Variants in NKPD1 observed in about 807,000 individuals in gnomAD.
NKPD1 encodes NTPase KAP family P-loop domain-containing protein 1.
In NKPD1, 37 loss-of-function variants were observed where a neutral mutation model predicts 42.2. The observed-to-expected ratio is 0.88, with a 90% CI of 0.67 to 1.15. NKPD1 has a LOEUF of 1.15. NKPD1 is among the 50% of genes most tolerant of loss of function. NKPD1 has a pLI of 0.00. For missense variants in NKPD1, 1,113 were observed against 1,174.6 expected, an observed-to-expected ratio of 0.95 and a Z score of 0.77; for synonymous variants, 552 against 536.5, an observed-to-expected ratio of 1.03 and a Z score of -0.40.
chr19:45,162,148 T>C (rs1969019282), upstream of NKPD1, among the ~76,000 whole-genome samples: 1 of 151,798 alleles, frequency 6.6e-6, no homozygotes, highest in African/African-American at 2.4e-5. Context: ...CCAATGTAAA[T>C]GAGCCGTCTC....
Position 45,153,393 on chromosome 19 carries a change from C to A in NKPD1, c.1044G>T (p.Leu348=), listed in dbSNP as rs746453049. The change falls in exon 5 of 5, where the codon CTG becomes CTT. Residue 348 remains leucine (L), a synonymous_variant. Transcript: ENST00000686631. ...RRVCLGLLAL[L]AALGLGVGLL... is the part of the protein sequence containing the mutation. The stretch of plus-strand genomic sequence containing the variant: ...GCCCCACACCCAGGCCCAGCGCCGC[C>A]AGCAGCGCCAGCAGCCCCAGGCACA... 6.4e-7 allele frequency: 1 copy of A among 1,555,244 alleles called. No homozygotes were observed. Among genetic ancestry groups the A allele is most frequent in the Non-Finnish European group, 8.7e-7 (1 of 1,153,890 alleles).
chr19:45,153,148 A>T lies in NKPD1; in HGVS notation c.1289T>A (p.Val430Glu), dbSNP rs752715409. Residue 430 changes from valine (V) to glutamate (E), a missense_variant, in exon 5 of 5, where the codon GTG becomes GAG. Physicochemically the swap from Val to Glu is moderately radical, Grantham distance 121. Around this residue, in one of 3 missense-constraint regions of NKPD1, gnomAD observed 867 missense variants for 870.1 expected, o/e 1.00. Coordinates refer to ENST00000686631, the MANE Select transcript of NKPD1 (RefSeq NM_198478.4). ...GGTGAGCAGCTCCACCTCCTTCTTCACCTCGCACATGAAACCCAGCTGGCT... is the reference window on the plus strand; with the variant it reads ...GGTGAGCAGCTCCACCTCCTTCTTCTCCTCGCACATGAAACCCAGCTGGCT... ...FGSQLGFMCE[V>E]KKEVELLTDF... The T allele has an allele frequency of 8.9e-6, 14 of 1,577,716 alleles. No individual in the cohort carries two copies. The highest frequency in any genetic ancestry group is 1.2e-5 in the Non-Finnish European group (14 of 1,162,698).
chr19:45,160,038 C>T (rs1417378925), intron 2 of NKPD1, 22 bp downstream of exon 2: 6 of 1,275,634 alleles, frequency 4.7e-6, no homozygotes, highest in Non-Finnish European at 5.2e-6. Context: ...GGCCATCACC[C>T]GCCCCCAAAC....
rs569907481 is a variant in NKPD1, at chr19:45,159,159, C to G, written c.92-59G>C. 1.0e-5 allele frequency: 13 copies of G among 1,239,230 alleles called. No homozygotes were observed. In the African/African-American group the frequency reaches 1.8e-4, roughly 17 times the overall value. 76.8% of individuals were successfully genotyped at this position (1,239,230 alleles called of 1,614,324 possible). A position where few individuals can be genotyped will look rare whatever the true frequency, so the allele number is the denominator to read the frequency against. On this transcript the variant is annotated intron_variant, in intron 2 of 4. Transcript: ENST00000686631. ...TGTCCCCGACCCCCGGGGGCACCGG[C>G]ACAAGCCAGACCAAGTCTTCAGGTA...
chr19:45,160,742 C>T (rs1164479745), intron 1 of NKPD1, among the ~76,000 whole-genome samples, 183 bp downstream of exon 1: 5 of 151,904 alleles, frequency 3.3e-5, no homozygotes, highest in South Asian at 2.1e-4. Context: ...TGGGGAGAGG[C>T]TCAGCAAACT....
intron 3 of NKPD1, among the ~76,000 whole-genome samples, chr19:45,156,175 G>C (rs1040793856): frequency 3.3e-5 from 5 of 152,178 alleles, no homozygotes; most frequent in Admixed American, 6.5e-5. Flanking sequence ...CTGAGGCTGC[G>C]GGAAGTCAGC....
intron 2 of NKPD1, 39 bp downstream of exon 2, chr19:45,160,021 C>T (rs763163961): frequency 1.7e-6 from 2 of 1,183,186 alleles, no homozygotes; most frequent in South Asian, 2.6e-5. Flanking sequence ...CCTCACAGGC[C>T]TCTGTCGGCC....
At position 45,153,570 on chromosome 19, in the gene NKPD1, G is replaced by C; in HGVS notation, c.867C>G (p.Thr289=). Residue 289 remains threonine (T), a synonymous_variant, in exon 5 of 5, where the codon ACC becomes ACG. Transcript: ENST00000686631. ...IRFSAWQYAG[T]DKLWAGLVTT... ...TCACCAGGCCGGCCCACAGCTTGTC[G>C]GTGCCCGCGTACTGCCAGGCGCTAA... The C allele has an allele frequency of 6.4e-7, 1 of 1,556,464 alleles. No individual in the cohort carries two copies. Among genetic ancestry groups the C allele is most frequent in the South Asian group, 1.2e-5 (1 of 86,000 alleles).
upstream of NKPD1, among the ~76,000 whole-genome samples, chr19:45,161,243 G>A (rs1293996016): frequency 6.6e-6 from 1 of 152,188 alleles, no homozygotes; most frequent in African/African-American, 2.4e-5. Context: ...ACAGGGAGCT[G>A]GGATGCCAGC....
chr19:45,154,690 G>A (rs1968868689), intron 4 of NKPD1, among the ~76,000 whole-genome samples: 1 of 152,174 alleles, frequency 6.6e-6, no homozygotes, highest in African/African-American at 2.4e-5. Flanking sequence ...CCCACGTGGG[G>A]CTGAGGTCTG....
Position 45,152,036 on chromosome 19 carries a change from C to G in NKPD1, c.2401G>C (p.Glu801Gln), listed in dbSNP as rs775965051. 1.1e-5 allele frequency: 17 copies of G among 1,609,608 alleles called. No homozygotes were observed. Among genetic ancestry groups the G allele is most frequent in the Admixed American group, 1.0e-4 (6 of 59,790 alleles). The change falls in exon 5 of 5, where the codon GAA (glutamate) becomes CAA (glutamine). Residue 801 changes from glutamate (E) to glutamine (Q), a missense_variant. Coordinates refer to ENST00000686631, the MANE Select transcript of NKPD1 (RefSeq NM_198478.4). ...GCCAAGTCCCCAGTGTGGTGGCCTT[C>G]GCCGGCTTGCCCTGAGGCACGGCCC... ...PSGRASGQAG[E>Q]GHHTGDLAHR...
chr19:45,152,220 C>T lies in NKPD1; in HGVS notation c.2217G>A (p.Leu739=). 1 of 1,602,788 alleles carries T rather than the reference C, an allele frequency of 6.2e-7. No individual in the cohort carries two copies. Among genetic ancestry groups the T allele is most frequent in the East Asian group, 2.3e-5 (1 of 44,340 alleles). The change falls in exon 5 of 5, where the codon CTG becomes CTA. Residue 739 remains leucine (L), a synonymous_variant. Transcript: ENST00000686631. Reference sequence around the variant, plus strand: ...GGTCCAGGTTGACCGTGCAGCGCAGCAGGCTCTGCGCCTCGGCCACGGTGA... The same window carrying T: ...GGTCCAGGTTGACCGTGCAGCGCAGTAGGCTCTGCGCCTCGGCCACGGTGA... ...FPFTVAEAQS[L]LRCTVNLDHS... is the part of the protein sequence containing the mutation.
chr19:45,153,382 CCCAGCGCCG>C lies in NKPD1; in HGVS notation c.1046_1054del (p.Ala349_Leu351del), dbSNP rs761237808. ...CAAGTAGAGCAGCCCCACACCCAGG[CCCAGCGCCG>C]CCAGCAGCGCCAGCAGCCCCAGGCA... On this transcript the variant is annotated inframe_deletion, in exon 5 of 5. Coordinates refer to ENST00000686631, the MANE Select transcript of NKPD1 (RefSeq NM_198478.4). The C allele has an allele frequency of 1.3e-5, 21 of 1,561,174 alleles. No homozygotes were observed. The highest frequency in any genetic ancestry group is 1.2e-4 in the South Asian group (10 of 86,086).
In NKPD1 at chr19:45,150,704, A is replaced by G. The variant is rs1489056449; in HGVS notation, c.*1234T>C. Reference sequence around the variant, plus strand: ...TCATAGAGGGCTCCCACTGACCTGCATGCACCTGTGACAATTGCTGTGGCC... The same window carrying G: ...TCATAGAGGGCTCCCACTGACCTGCGTGCACCTGTGACAATTGCTGTGGCC... On this transcript the variant is annotated 3_prime_UTR_variant, in exon 5 of 5. Coordinates refer to ENST00000686631, the MANE Select transcript of NKPD1 (RefSeq NM_198478.4). The G allele has an allele frequency of 6.6e-6, 1 of 152,316 alleles. No individual in the cohort carries two copies. Among genetic ancestry groups the G allele is most frequent in the Non-Finnish European group, 1.5e-5 (1 of 68,114 alleles). 9.4% of individuals were successfully genotyped at this position (152,316 alleles called of 1,614,324 possible). A position where few individuals can be genotyped will look rare whatever the true frequency, so the allele number is the denominator to read the frequency against.
chr19:45,155,509 T>C (rs1178929648), intron 4 of NKPD1, among the ~76,000 whole-genome samples: 1 of 151,984 alleles, frequency 6.6e-6, no homozygotes, highest in Non-Finnish European at 1.5e-5. Flanking sequence ...CTGGGGAGCA[T>C]GGAAGGCACC....
upstream of NKPD1, among the ~76,000 whole-genome samples, chr19:45,162,229 G>T (rs116601408): frequency 6.6e-6 from 1 of 152,198 alleles, no homozygotes; most frequent in African/African-American, 2.4e-5. Flanking sequence ...GGGAGCAGGC[G>T]TTTGGGGAGT....
chr19:45,151,845 G>A lies in NKPD1; in HGVS notation c.*93C>T, dbSNP rs1599718291. The A allele has an allele frequency of 1.1e-5, 15 of 1,343,758 alleles. No homozygotes were observed. Among genetic ancestry groups the A allele is most frequent in the Admixed American group, 2.9e-5 (1 of 34,044 alleles). 83.2% of individuals were successfully genotyped at this position (1,343,758 alleles called of 1,614,324 possible). On this transcript the variant is annotated 3_prime_UTR_variant, in exon 5 of 5. Transcript: ENST00000686631. ...GGTGTGGGCCTCACAGGGCTCATTC[G>A]GACCCTGGGTTGCGGCCCCAGTCCA...
rs563986586 is a variant in NKPD1 at position 45,159,941 on chromosome 19, G to A, written c.91+119C>T. 14 of 448,552 alleles carry A rather than the reference G, an allele frequency of 3.1e-5. No individual in the cohort carries two copies. The East Asian group carries it at 1.1e-3, about 36-fold the overall frequency. The allele number at this position is 448,552 out of a possible 1,614,324, so 27.8% of individuals were successfully genotyped here. A position where few individuals can be genotyped will look rare whatever the true frequency, so the allele number is the denominator to read the frequency against. On this transcript the variant is annotated intron_variant, in intron 2 of 4. Coordinates refer to ENST00000686631, the MANE Select transcript of NKPD1 (RefSeq NM_198478.4). The stretch of plus-strand genomic sequence containing the variant: ...CCTGCTGCTACACAGATGCCTCTGG[G>A]TGGAGTGCAAGTGGCTTTTCTCTCC...
Position 45,152,884 on chromosome 19 carries a change from A to G in NKPD1, c.1553T>C (p.Phe518Ser). Residue 518 changes from phenylalanine (F) to serine (S), a missense_variant, in exon 5 of 5, where the codon TTC (phenylalanine) becomes TCC (serine). This residue lies in a region of NKPD1 where 867 missense variants were observed against 870.1 expected (regional missense o/e 1.00). Coordinates refer to ENST00000686631, the MANE Select transcript of NKPD1 (RefSeq NM_198478.4). ...MKGTADNGYL[F>S]LNRTVTLPFS... The stretch of plus-strand genomic sequence containing the variant: ...GGGCAGCGTGACAGTGCGGTTGAGG[A>G]AGAGGTAGCCGTTATCGGCCGTGCC... 1 of 1,585,868 alleles carries G rather than the reference A, an allele frequency of 6.3e-7. No homozygotes were observed. Among genetic ancestry groups the G allele is most frequent in the Non-Finnish European group, 8.6e-7 (1 of 1,163,296 alleles).
Sources: gnomAD v4.1 joint callset for allele counts (sites outside exome capture counted in the v4.1 genomes callset) on GRCh38, gnomAD v4.1.1 for gene constraint, gnomAD v4.1.1 regional missense constraint, MANE v1.5 for transcripts, NCBI Gene and HGNC (gene_info 2026-07-23, HGNC 2026-07-21) for gene names.